Variants in COL15A1 observed in about 807,000 individuals in gnomAD.
The protein encoded by COL15A1 is collagen alpha-1(XV) chain.
Under a neutral mutation model 165.9 loss-of-function variants are expected in COL15A1, and 111 were observed. The ratio of observed to expected loss-of-function variants is 0.67; its 90% CI spans 0.57 to 0.78. The LOEUF is 0.78. COL15A1 is among the 30% of genes least tolerant of loss of function. The pLI is 0.00. For synonymous variants in COL15A1, 659 were observed against 674.8 expected, an observed-to-expected ratio of 0.98 and a Z score of 0.36; for missense variants, 1,745 against 1,789.7, an observed-to-expected ratio of 0.98 and a Z score of 0.45.
chr9:99,036,178 A>G lies in COL15A1; in HGVS notation c.2298A>G (p.Lys766=), dbSNP rs1221328085. Residue 766 remains lysine (K), a synonymous_variant, in exon 20 of 42, where the codon AAA becomes AAG. Coordinates refer to ENST00000375001, the MANE Select transcript of COL15A1 (RefSeq NM_001855.5). ...LSRPTAAIGL[K]GEKGDRGPKG... Reference sequence around the variant, plus strand: ...TTTGTTTATTTTTCCAGGGTCTCAAAGGAGAGAAAGGAGACCGGGGACCCA... The same window carrying G: ...TTTGTTTATTTTTCCAGGGTCTCAAGGGAGAGAAAGGAGACCGGGGACCCA... 9 of 1,609,038 alleles carry G rather than the reference A, an allele frequency of 5.6e-6. No individual in the cohort carries two copies. Among genetic ancestry groups the G allele is most frequent in the Non-Finnish European group, 6.8e-6 (8 of 1,175,622 alleles).
At chr9:98,996,218 A>T (rs989467693) in intron 5 of COL15A1, among the ~76,000 whole-genome samples, 1 of 152,220 alleles carries the variant, frequency 6.6e-6, no homozygotes, top group African/African-American at 2.4e-5. Flanking sequence ...ACTGATTCAC[A>T]GGATTCTTCC....
intron 27 of COL15A1, 30 bp downstream of exon 27, chr9:99,047,869 G>C (rs1839519176): frequency 6.2e-7 from 1 of 1,613,184 alleles, no homozygotes. Context: ...GGACAGGCTG[G>C]AGGGGGAGGA....
chr9:99,058,844 T>C (rs554254150), intron 35 of COL15A1, among the ~76,000 whole-genome samples: 2 of 152,250 alleles, frequency 1.3e-5, no homozygotes, highest in East Asian at 3.9e-4. Context: ...CACCTGTGTG[T>C]GGGTGTTCAA....
chr9:99,021,575 G>A (rs1376438193), intron 12 of COL15A1, among the ~76,000 whole-genome samples: 2 of 152,202 alleles, frequency 1.3e-5, no homozygotes, highest in African/African-American at 4.8e-5. Context: ...CATTCGAAAA[G>A]CATTTTCTGG....
chr9:99,019,001 G>C (rs1243527936), intron 11 of COL15A1, among the ~76,000 whole-genome samples: 1 of 152,202 alleles, frequency 6.6e-6, no homozygotes, highest in African/African-American at 2.4e-5. Context: ...CAGACACAGA[G>C]AGAGTTAGAG....
intron 2 of COL15A1, among the ~76,000 whole-genome samples, chr9:98,966,937 G>A (rs1406694389): frequency 6.6e-6 from 1 of 152,188 alleles, no homozygotes; most frequent in Non-Finnish European, 1.5e-5. Context: ...GATGTGTTAA[G>A]ACAGGCATAC....
intron 22 of COL15A1, 147 bp from the exon 23 acceptor site, chr9:99,040,374 C>A: frequency 1.5e-6 from 2 of 1,297,894 alleles, no homozygotes; most frequent in Non-Finnish European, 1.1e-6. Context: ...CCTCACAGGG[C>A]CCCTTCTTCC....
intron 2 of COL15A1, among the ~76,000 whole-genome samples, chr9:98,977,244 A>G (rs1838156032): frequency 6.6e-6 from 1 of 152,180 alleles, no homozygotes; most frequent in Non-Finnish European, 1.5e-5. Context: ...TTCCATCAGC[A>G]TGCTCCACGC....
In COL15A1 at chr9:99,011,407, A is replaced by AG; in HGVS notation, c.1354-4010_1354-4009insG. On this transcript the variant is annotated intron_variant, in intron 9 of 41. Coordinates refer to ENST00000375001, the MANE Select transcript of COL15A1 (RefSeq NM_001855.5). ...GTTTTCCTGAGCATCCCTCTTTCTGAAAAAAAAAAAAAAAAAAGTCATTTT... is the reference window on the plus strand; with the variant it reads ...GTTTTCCTGAGCATCCCTCTTTCTGAGAAAAAAAAAAAAAAAAAGTCATTTT... 2.6e-5 allele frequency among the ~76,000 whole-genome samples: 3 copies of AG among 113,402 alleles called. No homozygotes were observed. The South Asian group carries it at 9.8e-4, about 37-fold the overall frequency. The allele number at this position is 113,402 out of a possible 152,430, so 74.4% of individuals were successfully genotyped here. A position where few individuals can be genotyped will look rare whatever the true frequency, so the allele number is the denominator to read the frequency against.
chr9:99,015,849 G>A (rs1451483424), intron 10 of COL15A1, 127 bp from the exon 11 acceptor site: 4 of 1,133,250 alleles, frequency 3.5e-6, no homozygotes, highest in African/African-American at 1.5e-5. Context: ...GTGTGCTGGG[G>A]GTAACGATGA....
At chr9:98,951,677 TCCTC>T (rs954906209) in intron 2 of COL15A1, among the ~76,000 whole-genome samples, 3 of 152,160 alleles carry the variant, frequency 2.0e-5, no homozygotes, top group African/African-American at 7.2e-5. Context: ...GGATCCTCCT[TCCTC>T]AGCCTCCTGA....
rs560020926 is a variant in COL15A1, at chr9:98,978,756, G to A, written c.101-6809G>A. Among the ~76,000 whole-genome samples the A allele has an allele frequency of 3.9e-5, 6 of 152,088 alleles. No individual in the cohort carries two copies. The East Asian group carries it at 7.7e-4, about 20-fold the overall frequency. ...ATAATCTCTTTAAAAATATGTAGAT[G>A]TCTTTACTTTTCATACCATGTATAT... is the stretch of plus-strand genomic sequence containing the variant. On this transcript the variant is annotated intron_variant, in intron 2 of 41. Coordinates refer to ENST00000375001, the MANE Select transcript of COL15A1 (RefSeq NM_001855.5).
At chr9:99,047,901 T>G in intron 27 of COL15A1, 40 bp from the exon 28 acceptor site, 1 of 1,609,724 alleles carries the variant, frequency 6.2e-7, no homozygotes, top group South Asian at 1.1e-5. Context: ...GGCTGGTCTG[T>G]GGGCGGAGGG....
At chr9:99,024,285 G>GTTTTTTTTTTTTTTTTTTTT (rs1016769818) in intron 14 of COL15A1, among the ~76,000 whole-genome samples, 3 of 129,478 alleles carry the variant, frequency 2.3e-5, no homozygotes, top group Non-Finnish European at 3.2e-5. Flanking sequence ...TTGTTTTTTT[G>GTTTTTTTTTTTTTTTTTTTT]TTTTTTTTTT....
chr9:98,964,539 G>A (rs941393820), intron 2 of COL15A1, among the ~76,000 whole-genome samples: 5 of 152,236 alleles, frequency 3.3e-5, no homozygotes, highest in African/African-American at 7.2e-5. Flanking sequence ...AACAACCCTC[G>A]GACAAATTTC....
At chr9:99,024,268 G>GTTTTTTTTTTTCTTTTTTTTTT (rs201734908) in intron 14 of COL15A1, among the ~76,000 whole-genome samples, 1 of 131,460 alleles carries the variant, frequency 7.6e-6, no homozygotes. Context: ...ACCACAAGCA[G>GTTTTTTTTTTTCTTTTTTTTTT]TTTTTTTTGT....
rs565777169 is a variant in COL15A1, at chr9:99,064,337, C to T, written c.3651+1228C>T. ...GAATGAGTTTGAAGGTCTAAGGCCA[C>T]TCCTTATGGCAGGGATTGTGGGGGC... On this transcript the variant is annotated intron_variant, in intron 39 of 41. Transcript: ENST00000375001. 1.1e-3 allele frequency among the ~76,000 whole-genome samples: 160 copies of T among 152,184 alleles called. 15 individuals are homozygous for T. Among genetic ancestry groups the T allele is most frequent in the Non-Finnish European group, 2.5e-4 (17 of 68,040 alleles).
At chr9:99,014,893 G>A (rs549150656) in intron 9 of COL15A1, among the ~76,000 whole-genome samples, 2 of 152,298 alleles carry the variant, frequency 1.3e-5, no homozygotes, top group Middle Eastern at 3.4e-3. Flanking sequence ...GCATTCTTTT[G>A]AGTTTCTGAT....
intron 2 of COL15A1, among the ~76,000 whole-genome samples, chr9:98,970,188 A>G (rs181491520): frequency 1.4e-4 from 22 of 152,352 alleles, no homozygotes; most frequent in Middle Eastern, 3.4e-3. Context: ...CTCATGCACA[A>G]AACAAACATT....
Sources: allele counts gnomAD v4.1 joint callset (sites outside exome capture counted in the v4.1 genomes callset), GRCh38; gene constraint gnomAD v4.1.1; transcripts MANE v1.5; gene names NCBI Gene and HGNC (gene_info 2026-07-23, HGNC 2026-07-21).